KIF7: variants seen among roughly 807,000 people sequenced by gnomAD.
KIF7 encodes the protein kinesin family member 7.
A neutral mutation model predicts 135.7 loss-of-function variants in KIF7; 104 were observed. The ratio of observed to expected loss-of-function variants is 0.77; its 90% CI spans 0.65 to 0.90. KIF7 has a LOEUF of 0.90. KIF7 is among the 40% of genes least tolerant of loss of function. The pLI is 0.00. For missense variants in KIF7, 2,005 were observed against 1,839.1 expected, an observed-to-expected ratio of 1.09 and a Z score of -1.65; for synonymous variants, 883 against 809.4, an observed-to-expected ratio of 1.09 and a Z score of -1.54.
rs373774043 is a variant in KIF7 at position 89,629,144 on chromosome 15, G to C, written c.3518-22C>G. On this transcript the variant is annotated intron_variant, in intron 17 of 18. Coordinates refer to ENST00000394412, the MANE Select transcript of KIF7 (RefSeq NM_198525.3). ...TGGTCTAGAGTGGAAAGGTCGAGGAGAGGGTGGTGAGGGCTGCAGGCGGGG... is the reference window on the plus strand; with the variant it reads ...TGGTCTAGAGTGGAAAGGTCGAGGACAGGGTGGTGAGGGCTGCAGGCGGGG... 11 of 1,610,314 alleles carry C rather than the reference G, an allele frequency of 6.8e-6. No individual in the cohort carries two copies. The African/African-American group carries it at 1.5e-4, about 22-fold the overall frequency.
Position 89,648,624 on chromosome 15 carries a change from C to A in KIF7, c.1074G>T (p.Arg358=). The A allele has an allele frequency of 6.5e-7, 1 of 1,534,900 alleles. No homozygotes were observed. Among genetic ancestry groups the A allele is most frequent in the Non-Finnish European group, 8.7e-7 (1 of 1,145,842 alleles). The change falls in exon 5 of 19, where the codon CGG becomes CGT. Residue 358 remains arginine, a synonymous_variant. Transcript: ENST00000394412. ...CTTCGGGTGGCCGCTCGGCCTCGGG[C>A]CGCCAGTTGACCGTGGCGCGGTTGC... The part of the protein sequence containing the change: ...NIRNRATVNW[R]PEAERPPEET...
chr15:89,623,870 C>G, downstream of KIF7: 4 of 1,613,988 alleles, frequency 2.5e-6, no homozygotes, highest in Non-Finnish European at 3.4e-6. Context: ...GAAGGTACCT[C>G]TCTTGAAACG....
rs1461212246 is a variant in KIF7, at chr15:89,629,151, G to T, written c.3518-29C>A. On this transcript the variant is annotated intron_variant, in intron 17 of 18. Coordinates refer to ENST00000394412, the MANE Select transcript of KIF7 (RefSeq NM_198525.3). Reference sequence around the variant, plus strand: ...GAGTGGAAAGGTCGAGGAGAGGGTGGTGAGGGCTGCAGGCGGGGCAGGCGG... The same window carrying T: ...GAGTGGAAAGGTCGAGGAGAGGGTGTTGAGGGCTGCAGGCGGGGCAGGCGG... 7 of 1,607,386 alleles carry T rather than the reference G, an allele frequency of 4.4e-6. No homozygotes were observed. The Middle Eastern group carries it at 1.0e-3, about 237-fold the overall frequency.
chr15:89,647,332 G>T (rs929551079), intron 6 of KIF7, among the ~76,000 whole-genome samples: 1 of 152,078 alleles, frequency 6.6e-6, no homozygotes, highest in East Asian at 1.9e-4. Context: ...CCGGCTCCAA[G>T]GTCCCCCGCT....
intron 2 of KIF7, among the ~76,000 whole-genome samples, chr15:89,652,185 C>A (rs1964134415): frequency 6.6e-6 from 1 of 152,150 alleles, no homozygotes; most frequent in Non-Finnish European, 1.5e-5. Context: ...GCTGAAGCAC[C>A]CTGCAGCCCT....
At chr15:89,623,586 AAT>A (rs757722675), downstream of KIF7, 2 of 1,558,898 alleles carry the variant, frequency 1.3e-6, no homozygotes, top group African/African-American at 2.8e-5. Flanking sequence ...CATGAGTTAT[AAT>A]ATTCAAGGAC....
chr15:89,647,838 A>G, intron 5 of KIF7, 126 bp from the exon 6 acceptor site: 1 of 797,486 alleles, frequency 1.3e-6, no homozygotes, highest in South Asian at 1.8e-5. Context: ...GGAACTCCAG[A>G]CCCACTGGTG....
chr15:89,638,068 T>C (rs190899177), intron 11 of KIF7, among the ~76,000 whole-genome samples: 75,146 of 143,542 alleles, frequency 0.52, 20,114 homozygotes, highest in Non-Finnish European at 0.58. Context: ...AAAGACAAAA[T>C]CACGATTATC....
intron 6 of KIF7, among the ~76,000 whole-genome samples, 178 bp downstream of exon 6, chr15:89,647,418 C>T (rs1039165130): frequency 6.6e-6 from 1 of 152,154 alleles, no homozygotes; most frequent in East Asian, 1.9e-4. Context: ...GTCCTGCACA[C>T]CCACCTGCGC....
rs781478115 is a variant in KIF7 at position 89,631,627 on chromosome 15, C to A, written c.2979G>T (p.Arg993=). Residue 993 remains arginine, a synonymous_variant, in exon 15 of 19, where the codon CGG becomes CGT. Transcript: ENST00000394412. ...KELSEKSGQL[R]QGSAQSQQQI... ...GCTGCTGGCTCTGGGCGCTGCCCTG[C>A]CGCAGCTGCCCGCTCTTCTCGGACA... The A allele has an allele frequency of 6.4e-7, 1 of 1,561,288 alleles. No individual in the cohort carries two copies. Among genetic ancestry groups the A allele is most frequent in the South Asian group, 1.2e-5 (1 of 85,116 alleles).
At chr15:89,631,474 A>G (rs373473248) in intron 15 of KIF7, 21 bp downstream of exon 15, 3 of 1,547,198 alleles carry the variant, frequency 1.9e-6, no homozygotes, top group Non-Finnish European at 2.6e-6. Flanking sequence ...CAAGGGGCTG[A>G]GCCATGGGGC....
At chr15:89,641,605 C>T (rs372058117) in intron 11 of KIF7, among the ~76,000 whole-genome samples, 3 of 152,166 alleles carry the variant, frequency 2.0e-5, no homozygotes, top group African/African-American at 7.2e-5. Flanking sequence ...AGTTCAAGAC[C>T]AGCCTGGCTA....
In KIF7 at chr15:89,631,729, G is replaced by T. The variant is rs745692244; in HGVS notation, c.2896-19C>A. ...TGAGGGCCTGGGGGCAGAATCACCA[G>T]GGATTAGAGAAGGAACAGGCACTGT... On this transcript the variant is annotated intron_variant, in intron 14 of 18. Transcript: ENST00000394412. 1.3e-6 allele frequency: 2 copies of T among 1,544,192 alleles called. No individual in the cohort carries two copies. Among genetic ancestry groups the T allele is most frequent in the East Asian group, 2.4e-5 (1 of 40,838 alleles).
At chr15:89,656,001 T>G (rs1596082686), upstream of KIF7, among the ~76,000 whole-genome samples, 1 of 152,334 alleles carries the variant, frequency 6.6e-6, no homozygotes, top group South Asian at 2.1e-4. Flanking sequence ...TCTGATCCAT[T>G]GTTTGCACTG....
At chr15:89,638,986 C>T (rs966411907) in intron 11 of KIF7, among the ~76,000 whole-genome samples, 17 of 146,302 alleles carry the variant, frequency 1.2e-4, no homozygotes, top group East Asian at 8.1e-4. Flanking sequence ...TCAGAAATAA[C>T]GCCGCATATC....
chr15:89,649,455 C>G, intron 3 of KIF7, 88 bp from the exon 4 acceptor site: 5 of 1,372,642 alleles, frequency 3.6e-6, no homozygotes, highest in Non-Finnish European at 4.8e-6. Context: ...TAGCCCCAAA[C>G]CTGCCCTTCC....
rs1190648779 is a variant in KIF7 at position 89,648,256 on chromosome 15, T to C, written c.1442A>G (p.Lys481Arg). The change falls in exon 5 of 19, where the codon AAG becomes AGG. Residue 481 changes from lysine (K) to arginine (R), a missense_variant and splice_region_variant. By Grantham distance (26) the Lys-to-Arg change is conservative. Transcript: ENST00000394412. Reference protein sequence around the residue: ...DQAAQGAGGRKEDEGAQQLLT... With the variant: ...DQAAQGAGGRREDEGAQQLLT... ...AACCACAACCTGTCCCTCGGCCACC[T>C]TTCGCCCGCCGGCCCCCTGCGCCGC... 6.6e-7 allele frequency: 1 copy of C among 1,513,972 alleles called. No homozygotes were observed. Among genetic ancestry groups the C allele is most frequent in the South Asian group, 1.2e-5 (1 of 82,982 alleles). The allele number at this position is 1,513,972 out of a possible 1,614,324, so 93.8% of individuals were successfully genotyped here.
intron 11 of KIF7, among the ~76,000 whole-genome samples, chr15:89,639,129 C>T (rs1963868998): frequency 6.6e-6 from 1 of 151,950 alleles, no homozygotes; most frequent in African/African-American, 2.4e-5. Context: ...ACACCTTATA[C>T]AAAAATCAAT....
rs908786579 is a variant in KIF7 at position 89,649,620 on chromosome 15, C to T, written c.529+121G>A. The T allele has an allele frequency of 2.2e-5, 26 of 1,196,716 alleles. No individual in the cohort carries two copies. In the South Asian group the frequency reaches 2.8e-4, roughly 13 times the overall value. 74.1% of individuals were successfully genotyped at this position (1,196,716 alleles called of 1,614,324 possible). ...TGGAGGCAAGAAGCTAAAGCAAAAC[C>T]TCCCAGGGCTTGGGTTTTCCATGAG... On this transcript the variant is annotated intron_variant, in intron 3 of 18. Coordinates refer to ENST00000394412, the MANE Select transcript of KIF7 (RefSeq NM_198525.3).
Sources: allele counts gnomAD v4.1 joint callset (sites outside exome capture counted in the v4.1 genomes callset), GRCh38; gene constraint gnomAD v4.1.1; transcripts MANE v1.5; gene names NCBI Gene and HGNC (gene_info 2026-07-23, HGNC 2026-07-21).